The following GSN variants were observed in gnomAD, a reference collection of about 807,000 sequenced individuals.
GSN encodes gelsolin.
Under a neutral mutation model 85.7 loss-of-function variants are expected in GSN, and 56 were observed. That is an observed-to-expected ratio of 0.65 (90% CI 0.53 to 0.82). The LOEUF (loss-of-function observed/expected upper bound fraction) is 0.82. GSN is among the 40% of genes least tolerant of loss of function. GSN has a pLI of 0.00. For missense variants in GSN, 857 were observed against 979.8 expected, an observed-to-expected ratio of 0.87 and a Z score of 1.67; for synonymous variants, 373 against 399.1, an observed-to-expected ratio of 0.93 and a Z score of 0.78.
intron 7 of GSN, among the ~76,000 whole-genome samples, chr9:121,315,018 G>T (rs1042062288): frequency 5.3e-5 from 8 of 152,098 alleles, no homozygotes; most frequent in Non-Finnish European, 1.5e-5. Context: ...ACGCCACCAC[G>T]CCCAGCTAAC....
At chr9:121,205,294 G>A (rs1343847848), upstream of GSN, among the ~76,000 whole-genome samples, 1 of 152,220 alleles carries the variant, frequency 6.6e-6, no homozygotes, top group Non-Finnish European at 1.5e-5. Flanking sequence ...GGAAAGAGAC[G>A]CCTTCTTTCT....
Position 121,325,656 on chromosome 9 carries a change from C to A in GSN, c.1417-856C>A, listed in dbSNP as rs114497505. On this transcript the variant is annotated intron_variant, in intron 12 of 17. Coordinates refer to ENST00000432226, the MANE Select transcript of GSN (RefSeq NM_198252.3). ...CAACAACTGTGCTTCCTCCGTCCTA[C>A]GGTGGGAGTGGGCAGGGCTCTAGAT... Among the ~76,000 whole-genome samples, 596 of 152,216 alleles carry A rather than the reference C, an allele frequency of 3.9e-3. 3 individuals are homozygous for A. Among genetic ancestry groups the A allele is most frequent in the African/African-American group, 0.014 (569 of 41,520 alleles).
Position 121,329,276 on chromosome 9 carries a change from G to T in GSN, c.1926G>T (p.Leu642=). ...EVPGELMQED[L]ATDDVMLLDT... is the part of the protein sequence containing the mutation. ...CTGGTGAGCTCATGCAGGAAGACCT[G>T]GCAACGGATGACGTCATGCTTCTGG... The change falls in exon 16 of 18, where the codon CTG becomes CTT. Residue 642 remains leucine (L), a synonymous_variant. Coordinates refer to ENST00000432226, the MANE Select transcript of GSN (RefSeq NM_198252.3). This position sits in a 1 kb window ranked among gnomAD's most constrained non-coding sequence, Gnocchi z 4.6. 6.2e-7 allele frequency: 1 copy of T among 1,612,278 alleles called. No homozygotes were observed. The highest frequency in any genetic ancestry group is 8.5e-7 in the Non-Finnish European group (1 of 1,178,334).
intron 2 of GSN, among the ~76,000 whole-genome samples, chr9:121,292,219 G>A (rs1214976130): frequency 6.6e-6 from 1 of 152,196 alleles, no homozygotes; most frequent in Non-Finnish European, 1.5e-5. Flanking sequence ...TCTTTTGGGT[G>A]AGGCAGAACA....
intron 6 of GSN, among the ~76,000 whole-genome samples, chr9:121,259,001 G>A (rs2132270323): frequency 6.6e-6 from 1 of 152,290 alleles, no homozygotes; most frequent in East Asian, 1.9e-4. Context: ...CTTGGTCCCT[G>A]CCCATGAGGG....
intron 2 of GSN, chr9:121,281,853 G>C (rs1306925931): frequency 2.1e-6 from 1 of 471,276 alleles, no homozygotes; most frequent in Non-Finnish European, 4.4e-6. Context: ...GTGACTTTAG[G>C]AGAGTTGCTT....
chr9:121,322,431 T>TA, intron 11 of GSN, among the ~76,000 whole-genome samples: 1 of 152,252 alleles, frequency 6.6e-6, no homozygotes, highest in Non-Finnish European at 1.5e-5. Flanking sequence ...ATAGTTTATT[T>TA]AACAAATTCC....
chr9:121,287,065 G>C (rs116392029), intron 2 of GSN, among the ~76,000 whole-genome samples: 1,824 of 152,042 alleles, frequency 0.012, 36 homozygotes, highest in African/African-American at 0.042. Context: ...GAGACTCCAA[G>C]TCTTGGAGCC....
chr9:121,331,755 TTAGATGTGGC>T (rs1221625578), intron 17 of GSN: 5 of 300,806 alleles, frequency 1.7e-5, no homozygotes, highest in Non-Finnish European at 3.1e-5. Flanking sequence ...TTGTCAAGGT[TTAGATGTGGC>T]AAAGCAGGCC....
At chr9:121,216,930 C>A (rs764921777) in intron 4 of GSN, among the ~76,000 whole-genome samples, 18 of 152,230 alleles carry the variant, frequency 1.2e-4, no homozygotes, top group Admixed American at 2.0e-4. Flanking sequence ...CTGTCTTCTT[C>A]CTGTGTCTTC....
intron 1 of GSN, among the ~76,000 whole-genome samples, chr9:121,268,466 C>G (rs1364295332): frequency 1.3e-5 from 2 of 152,134 alleles, no homozygotes; most frequent in Non-Finnish European, 1.5e-5. Flanking sequence ...GCCTCCACCC[C>G]GTGATTCCAC....
At chr9:121,246,670 G>A (rs981760079) in intron 5 of GSN, among the ~76,000 whole-genome samples, 1 of 151,828 alleles carries the variant, frequency 6.6e-6, no homozygotes, top group Non-Finnish European at 1.5e-5. Context: ...TCTCATCGCC[G>A]CTCTTCAGCA....
rs1019490531 is a variant in GSN, at chr9:121,328,829, C to G, written c.1763-62C>G. The stretch of plus-strand genomic sequence containing the variant: ...CTTGGGCAGGGCTGGTCCCAGGGTC[C>G]GATGAGATGGGAGAGAGGGGTGATG... On this transcript the variant is annotated intron_variant, in intron 14 of 17. Transcript: ENST00000432226. 2.5e-6 allele frequency: 4 copies of G among 1,579,898 alleles called. No individual in the cohort carries two copies. The South Asian group carries it at 4.4e-5, about 17-fold the overall frequency.
chr9:121,291,877 G>T, intron 2 of GSN, among the ~76,000 whole-genome samples: 1 of 151,846 alleles, frequency 6.6e-6, no homozygotes, highest in East Asian at 1.9e-4. Flanking sequence ...CTGGGATCCA[G>T]AGCCCTCACT....
At chr9:121,271,086 T>C (rs2055872124) in intron 1 of GSN, among the ~76,000 whole-genome samples, 1 of 152,160 alleles carries the variant, frequency 6.6e-6, no homozygotes, top group South Asian at 2.1e-4. Flanking sequence ...AAGCTATCTT[T>C]TAACTGGGCA....
At position 121,302,050 on chromosome 9, in the gene GSN, C is replaced by A. The variant is rs777625727; in HGVS notation, c.79C>A (p.Leu27Met). ...LQIWRVEKFD[L>M]VPVPTNLYGD... is the part of the protein sequence containing the mutation. ...GATCTGGCGTGTGGAGAAGTTCGAT[C>A]TGGTGCCCGTGCCCACCAACCTTTA... The change falls in exon 3 of 18, where the codon CTG becomes ATG. Residue 27 changes from leucine to methionine, a missense_variant. Coordinates refer to ENST00000432226, the MANE Select transcript of GSN (RefSeq NM_198252.3). 6.2e-7 allele frequency: 1 copy of A among 1,614,264 alleles called. No homozygotes were observed. Among genetic ancestry groups the A allele is most frequent in the Non-Finnish European group, 8.5e-7 (1 of 1,180,040 alleles).
chr9:121,312,172 C>T lies in GSN; in HGVS notation c.514-167C>T, dbSNP rs1485586214. 6 of 713,428 alleles carry T rather than the reference C, an allele frequency of 8.4e-6. No homozygotes were observed. In the African/African-American group the frequency reaches 1.0e-4, roughly 12 times the overall value. 44.2% of individuals were successfully genotyped at this position (713,428 alleles called of 1,614,324 possible). ...CATCTCCTGGTGTGTGCAGATCACA[C>T]TTAATTGTACGTAAATAATGCACGT... On this transcript the variant is annotated intron_variant, in intron 5 of 17. Transcript: ENST00000432226.
chr9:121,204,003 G>A (rs1039828332), upstream of GSN, among the ~76,000 whole-genome samples: 1 of 152,142 alleles, frequency 6.6e-6, no homozygotes, highest in African/African-American at 2.4e-5. Flanking sequence ...CCAAGTAAAG[G>A]AGAAAACTGT....
At chr9:121,240,751 G>T (rs1301659951) in intron 5 of GSN, among the ~76,000 whole-genome samples, 1 of 152,166 alleles carries the variant, frequency 6.6e-6, no homozygotes, top group African/African-American at 2.4e-5. Flanking sequence ...AGATGGGGGA[G>T]GCATGTGATG....
Sources: allele counts gnomAD v4.1 joint callset (sites outside exome capture counted in the v4.1 genomes callset), GRCh38; gene constraint gnomAD v4.1.1; non-coding constraint Gnocchi (gnomAD v3.1); transcripts MANE v1.5; gene names NCBI Gene and HGNC (gene_info 2026-07-23, HGNC 2026-07-21).